The following HPS4 variants were observed in gnomAD, a reference collection of about 807,000 sequenced individuals.
HPS4 encodes the protein HPS4 biogenesis of lysosomal organelles complex 3 subunit 2, also known as BLOC-3 complex member HPS4.
A neutral mutation model predicts 70.3 loss-of-function variants in HPS4; 44 were observed. That is an observed-to-expected ratio of 0.63 (90% CI 0.49 to 0.80). HPS4 has a LOEUF of 0.80. Among genes scored for constraint, HPS4 ranks in the 30% least tolerant of loss-of-function variants. The pLI is 0.00. For missense variants in HPS4, 873 were observed against 884.4 expected (o/e 0.99, Z 0.16); for synonymous variants, 377 against 355.9 (o/e 1.06, Z -0.67).
rs750142480 is a variant in HPS4 at position 26,452,248 on chromosome 22, ATTCAG to A, written c.*980_*984del. 62 of 420,632 alleles carry A rather than the reference ATTCAG, an allele frequency of 1.5e-4. No homozygotes were observed. The highest frequency in any genetic ancestry group is 2.4e-4 in the Non-Finnish European group (50 of 210,924). 26.1% of individuals were successfully genotyped at this position (420,632 alleles called of 1,614,324 possible). A position where few individuals can be genotyped will look rare whatever the true frequency, so the allele number is the denominator to read the frequency against. On this transcript the variant is annotated 3_prime_UTR_variant, in exon 14 of 14. Transcript: ENST00000398145. ...GGAATCTCAAGTACTTCCAGTAAAC[ATTCAG>A]TTAAGATTTTGACAAATATTTTCAT...
At position 26,470,747 on chromosome 22, in the gene HPS4, G is replaced by C. The variant is rs1291923001; in HGVS notation, c.568C>G (p.Leu190Val). The C allele has an allele frequency of 1.2e-6, 2 of 1,614,062 alleles. No individual in the cohort carries two copies. Among genetic ancestry groups the C allele is most frequent in the Non-Finnish European group, 1.7e-6 (2 of 1,180,044 alleles). ...LQTCQRSPHILAGCILYKGLI... is the reference protein window; with the variant it reads ...LQTCQRSPHIVAGCILYKGLI... ...CCTTTATAGAGGATGCAGCCAGCGA[G>C]AATGTGAGGCGAGCGCTGGCAGGTC... The change falls in exon 7 of 14, where the codon CTC becomes GTC. Residue 190 changes from leucine to valine, a missense_variant. Physicochemically the swap from Leu to Val is conservative, Grantham distance 32. Coordinates refer to ENST00000398145, the MANE Select transcript of HPS4 (RefSeq NM_022081.6).
chr22:26,483,205 G>A (rs1009772392), intron 1 of HPS4, among the ~76,000 whole-genome samples: 8 of 152,180 alleles, frequency 5.3e-5, no homozygotes, highest in Non-Finnish European at 1.2e-4. Flanking sequence ...CTCTGTTACT[G>A]GAACCAAGGA....
At chr22:26,463,824 T>A (rs2087833766) in intron 11 of HPS4, 93 bp downstream of exon 11, 10 of 1,340,336 alleles carry the variant, frequency 7.5e-6, no homozygotes, top group Non-Finnish European at 1.1e-5. Context: ...TGAGCCTTTA[T>A]CTCTTCCCTG....
At chr22:26,477,393 T>A (rs2090697668) in intron 3 of HPS4, among the ~76,000 whole-genome samples, 1 of 152,214 alleles carries the variant, frequency 6.6e-6, no homozygotes, top group African/African-American at 2.4e-5. Flanking sequence ...CTACCTGAGA[T>A]GACTGAACCC....
At chr22:26,457,795 C>T in intron 13 of HPS4, 64 bp downstream of exon 13, 1 of 1,246,008 alleles carries the variant, frequency 8.0e-7, no homozygotes, top group African/African-American at 1.5e-5. Context: ...GCCTGGGCCC[C>T]ACAGGTGGTT....
chr22:26,455,781 T>C (rs1217703729), intron 13 of HPS4, among the ~76,000 whole-genome samples: 2 of 152,054 alleles, frequency 1.3e-5, no homozygotes, highest in Non-Finnish European at 2.9e-5. Flanking sequence ...TTTCTATTAC[T>C]GTTATTGAAA....
chr22:26,443,261 C>A, downstream of HPS4: 1 of 1,469,420 alleles, frequency 6.8e-7, no homozygotes, highest in Non-Finnish European at 9.5e-7. Context: ...CCTGGGCAGA[C>A]TGTGGTCCGG....
At chr22:26,463,212 G>C (rs1447315412) in intron 11 of HPS4, among the ~76,000 whole-genome samples, 1 of 152,182 alleles carries the variant, frequency 6.6e-6, no homozygotes, top group African/African-American at 2.4e-5. Flanking sequence ...AAGCCTCTAA[G>C]CGGGGAAGGG....
Position 26,458,585 on chromosome 22 carries a change from G to A in HPS4, c.1714-8C>T. 2 of 1,613,930 alleles carry A rather than the reference G, an allele frequency of 1.2e-6. No individual in the cohort carries two copies. The highest frequency in any genetic ancestry group is 1.7e-6 in the Non-Finnish European group (2 of 1,179,908). On this transcript the variant is annotated splice_region_variant and splice_polypyrimidine_tract_variant and intron_variant, in intron 11 of 13. Coordinates refer to ENST00000398145, the MANE Select transcript of HPS4 (RefSeq NM_022081.6). ...AGCCAGGCTGCTGTGGTACTGCAAA[G>A]GGGGAGAGGGTCATGGGCTTGTAGG...
chr22:26,463,599 G>A (rs1199908333), intron 11 of HPS4, among the ~76,000 whole-genome samples: 1 of 152,218 alleles, frequency 6.6e-6, no homozygotes, highest in Non-Finnish European at 1.5e-5. Context: ...GAGGACAAGG[G>A]CCAGGATTCC....
intron 2 of HPS4, among the ~76,000 whole-genome samples, chr22:26,479,893 G>C (rs1051244516): frequency 6.6e-6 from 1 of 152,082 alleles, no homozygotes; most frequent in African/African-American, 2.4e-5. Flanking sequence ...CCAAAAGTTC[G>C]TAACAGGGAA....
downstream of HPS4, among the ~76,000 whole-genome samples, chr22:26,449,837 A>G (rs1251540367): frequency 1.3e-5 from 2 of 152,206 alleles, no homozygotes; most frequent in African/African-American, 4.8e-5. Context: ...AGAGGCTTAC[A>G]ACACAAACCC....
chr22:26,444,376 CAGAG>C (rs1225956938), exon 4 of HPS4: 1 of 152,166 alleles, frequency 6.6e-6, no homozygotes, highest in Non-Finnish European at 1.5e-5. Flanking sequence ...AGTGAGGAGA[CAGAG>C]AAGACCTACA....
In HPS4 at chr22:26,479,752, C is replaced by T. The variant is rs115242747; in HGVS notation, c.42-397G>A. ...GTATTAGATGCACTCCTCATAAGTGCTGAGCACAAAGATTTCCAGAAACAG... is the reference window on the plus strand; with the variant it reads ...GTATTAGATGCACTCCTCATAAGTGTTGAGCACAAAGATTTCCAGAAACAG... On this transcript the variant is annotated intron_variant, in intron 2 of 13. Coordinates refer to ENST00000398145, the MANE Select transcript of HPS4 (RefSeq NM_022081.6). 1,714 of 924,064 alleles carry T rather than the reference C, an allele frequency of 1.9e-3. 27 individuals are homozygous for T. The African/African-American group carries it at 0.029, about 16-fold the overall frequency. The allele number at this position is 924,064 out of a possible 1,614,324, so 57.2% of individuals were successfully genotyped here.
intron 10 of HPS4, 22 bp downstream of exon 10, chr22:26,465,433 A>T: frequency 6.4e-7 from 1 of 1,556,120 alleles, no homozygotes; most frequent in Non-Finnish European, 8.9e-7. Context: ...GTGCAAGGTT[A>T]ACTCTCTGTG....
intron 13 of HPS4, chr22:26,453,606 T>C: frequency 1.6e-6 from 1 of 637,222 alleles, no homozygotes; most frequent in East Asian, 2.8e-5. Flanking sequence ...TTCAGCTCAC[T>C]AGATGCTGGA....
chr22:26,467,722 A>T (rs1356626011), intron 8 of HPS4: 1 of 152,202 alleles, frequency 6.6e-6, no homozygotes, highest in Non-Finnish European at 1.5e-5. Flanking sequence ...CTTCATACAC[A>T]AAACAAAAAA....
intron 11 of HPS4, among the ~76,000 whole-genome samples, chr22:26,460,278 T>C (rs1601851119): frequency 6.6e-6 from 1 of 152,256 alleles, no homozygotes; most frequent in East Asian, 1.9e-4. Context: ...TAAAAAGATA[T>C]GTGCTCAGGA....
chr22:26,443,308 C>A, downstream of HPS4: 2 of 934,472 alleles, frequency 2.1e-6, no homozygotes, highest in South Asian at 1.5e-5. Flanking sequence ...TGCTCAGAAA[C>A]CTGCCTCAGC....
Sources: allele counts gnomAD v4.1 joint callset (sites outside exome capture counted in the v4.1 genomes callset), GRCh38; gene constraint gnomAD v4.1.1; transcripts MANE v1.5; gene names NCBI Gene and HGNC (gene_info 2026-07-23, HGNC 2026-07-21).